Variants in DIAPH2 observed in about 807,000 individuals in gnomAD.
The protein encoded by DIAPH2 is protein diaphanous homolog 2.
Under a neutral mutation model 92.7 loss-of-function variants are expected in DIAPH2, and 35 were observed. The observed-to-expected ratio is 0.38, with a 90% CI of 0.29 to 0.50. The LOEUF is 0.50. Among genes scored for constraint, DIAPH2 ranks in the 20% least tolerant of loss-of-function variants. DIAPH2 has a pLI of 0.94. For synonymous variants in DIAPH2, 301 were observed against 280.4 expected, an observed-to-expected ratio of 1.07 and a Z score of -0.73; for missense variants, 701 against 819.5, an observed-to-expected ratio of 0.86 and a Z score of 1.77.
intron 26 of DIAPH2, among the ~76,000 whole-genome samples, chrX:97,487,271 T>C (rs966298274): frequency 9.1e-6 from 1 of 110,326 alleles, no homozygotes; most frequent in Non-Finnish European, 1.9e-5. Flanking sequence ...CTGTCAATTC[T>C]TTTTTTTGTT....
At chrX:96,977,972 C>T (rs752834779) in intron 17 of DIAPH2, among the ~76,000 whole-genome samples, 110 of 112,124 alleles carry the variant, frequency 9.8e-4, no homozygotes, top group Admixed American at 1.4e-3. Context: ...GCGTGAGCCA[C>T]CGCGCCTGGC....
chrX:96,753,716 A>AT (rs770215138), intron 3 of DIAPH2, among the ~76,000 whole-genome samples: 11 of 112,328 alleles, frequency 9.8e-5, no homozygotes, highest in African/African-American at 2.6e-4. Flanking sequence ...TTGAATTAAC[A>AT]GAGTTGCAGA....
At chrX:97,387,302 C>A (rs1269760191) in intron 25 of DIAPH2, among the ~76,000 whole-genome samples, 1 of 112,083 alleles carries the variant, frequency 8.9e-6, no homozygotes, top group Non-Finnish European at 1.9e-5. Flanking sequence ...TAAAAAGCAA[C>A]AAGAGGTGTA....
intron 22 of DIAPH2, among the ~76,000 whole-genome samples, chrX:97,197,443 C>T (rs767655799): frequency 1.1e-4 from 12 of 111,917 alleles, no homozygotes; most frequent in South Asian, 3.8e-4. Context: ...AGTGCAAATT[C>T]GAATATCTTA....
In DIAPH2 at chrX:97,008,775, A is replaced by G. The variant is rs1045645421; in HGVS notation, c.2050+43568A>G. ...TGTTCTTCTTCCTTACTGTCTCCTA[A>G]ACAGTCTCTATTCTGTGTGCTGAGC... is the stretch of plus-strand genomic sequence containing the variant. On this transcript the variant is annotated intron_variant, in intron 17 of 26. Coordinates refer to ENST00000324765, the MANE Select transcript of DIAPH2 (RefSeq NM_006729.5). Among the ~76,000 whole-genome samples the G allele has an allele frequency of 3.4e-4, 38 of 111,355 alleles. 2 individuals are homozygous for G. Among genetic ancestry groups the G allele is most frequent in the Non-Finnish European group, 3.8e-5 (2 of 53,051 alleles).
intron 17 of DIAPH2, among the ~76,000 whole-genome samples, chrX:97,019,589 CAT>C (rs2066283705): frequency 9.1e-6 from 1 of 110,139 alleles, no homozygotes; most frequent in Non-Finnish European, 1.9e-5. Flanking sequence ...ATAATGTTTC[CAT>C]ATATATATTC....
At chrX:97,236,785 C>T (rs905188885) in intron 22 of DIAPH2, among the ~76,000 whole-genome samples, 1 of 110,717 alleles carries the variant, frequency 9.0e-6, no homozygotes, top group African/African-American at 3.3e-5. Context: ...ACCTCGTGAT[C>T]CACCCGCCTC....
intron 26 of DIAPH2, among the ~76,000 whole-genome samples, chrX:97,571,278 T>C (rs190083781): frequency 1.8e-5 from 2 of 111,943 alleles, no homozygotes; most frequent in East Asian, 5.6e-4. Context: ...AACAGCTGAA[T>C]TGCACACATT....
intron 26 of DIAPH2, among the ~76,000 whole-genome samples, chrX:97,464,005 G>A (rs1026027456): frequency 6.3e-5 from 7 of 110,351 alleles, no homozygotes; most frequent in Admixed American, 3.9e-4. Context: ...CATTGTCATA[G>A]GCACTGCTTG....
intron 21 of DIAPH2, among the ~76,000 whole-genome samples, chrX:97,116,106 G>T (rs1262302225): frequency 9.0e-6 from 1 of 111,678 alleles, no homozygotes; most frequent in African/African-American, 3.3e-5. Flanking sequence ...CCCAAATCTA[G>T]CAATGGATAT....
At chrX:97,568,643 T>C (rs945188991) in intron 26 of DIAPH2, among the ~76,000 whole-genome samples, 55 of 111,893 alleles carry the variant, frequency 4.9e-4, no homozygotes, top group African/African-American at 1.6e-3. Context: ...ACTTGAAAAC[T>C]GTCTTGTGTA....
At chrX:97,247,866 G>A (rs1477708222) in intron 23 of DIAPH2, 27 bp downstream of exon 23, 10 of 1,190,699 alleles carry the variant, frequency 8.4e-6, no homozygotes, top group Admixed American at 2.2e-5. Context: ...TAAGCATTTT[G>A]TCTAGTTTTT....
At chrX:97,089,091 G>A (rs987294340) in intron 19 of DIAPH2, among the ~76,000 whole-genome samples, 65 of 111,936 alleles carry the variant, frequency 5.8e-4, no homozygotes, top group Non-Finnish European at 9.6e-4. Flanking sequence ...GAGATTTTCC[G>A]TCAGTGATGA....
At chrX:97,437,882 C>A (rs1167527432) in intron 26 of DIAPH2, among the ~76,000 whole-genome samples, 1 of 108,998 alleles carries the variant, frequency 9.2e-6, no homozygotes, top group African/African-American at 3.4e-5. Flanking sequence ...CCAGAAAGGA[C>A]ATCTCAAATG....
chrX:97,367,626 A>G (rs1365094948), intron 24 of DIAPH2, among the ~76,000 whole-genome samples: 7 of 111,686 alleles, frequency 6.3e-5, no homozygotes, highest in African/African-American at 2.3e-4. Context: ...TTATAAACTA[A>G]TGACTCAGAA....
At chrX:97,256,683 G>C (rs1490425123) in intron 23 of DIAPH2, among the ~76,000 whole-genome samples, 3 of 111,355 alleles carry the variant, frequency 2.7e-5, no homozygotes, top group Non-Finnish European at 5.6e-5. Context: ...TTGTTTGTTT[G>C]AGATGGAGAT....
At chrX:97,521,290 T>C (rs960650777) in intron 26 of DIAPH2, among the ~76,000 whole-genome samples, 3 of 112,337 alleles carry the variant, frequency 2.7e-5, no homozygotes, top group Non-Finnish European at 5.6e-5. Flanking sequence ...TATTTTGTTA[T>C]AGCATTCCAA....
At chrX:97,211,219 G>T (rs2067836937) in intron 22 of DIAPH2, among the ~76,000 whole-genome samples, 1 of 111,374 alleles carries the variant, frequency 9.0e-6, no homozygotes, top group South Asian at 3.8e-4. Context: ...CATTTGAAAA[G>T]AAACATTTTC....
chrX:97,206,514 G>A (rs1216902575), intron 22 of DIAPH2, among the ~76,000 whole-genome samples: 1 of 111,177 alleles, frequency 9.0e-6, no homozygotes, highest in African/African-American at 3.3e-5. Context: ...GGTTAGTAGG[G>A]AAAATGGATA....
Sources: allele counts gnomAD v4.1 joint callset (sites outside exome capture counted in the v4.1 genomes callset), GRCh38; gene constraint gnomAD v4.1.1; transcripts MANE v1.5; gene names NCBI Gene and HGNC (gene_info 2026-07-23, HGNC 2026-07-21).